HMCN2: variants seen among roughly 807,000 people sequenced by gnomAD.
HMCN2 encodes the protein hemicentin 2, also known as hemicentin-2.
HMCN2 carries 325 observed loss-of-function variants against 377.5 expected under a neutral mutation model. The ratio of observed to expected loss-of-function variants is 0.86; its 90% CI spans 0.79 to 0.94. The LOEUF (loss-of-function observed/expected upper bound fraction) is 0.94, where lower values mean the gene tolerates loss of function less well. Ranked by LOEUF, HMCN2 falls within the 40% of genes least tolerant of loss-of-function variation. The pLI is 0.00. For missense variants in HMCN2, 4,543 were observed against 4,725.3 expected, an observed-to-expected ratio of 0.96 and a Z score of 1.13; for synonymous variants, 2,007 against 2,046.8, an observed-to-expected ratio of 0.98 and a Z score of 0.53.
intron 43 of HMCN2, among the ~76,000 whole-genome samples, 190 bp from the exon 44 acceptor site, chr9:130,368,086 G>A (rs1351850924): frequency 2.0e-5 from 3 of 152,070 alleles, no homozygotes; most frequent in Non-Finnish European, 4.4e-5. Context: ...GATGGGGGGA[G>A]TTCAGAAGAG....
chr9:130,407,750 C>G, intron 83 of HMCN2, 45 bp downstream of exon 83: 1 of 1,161,456 alleles, frequency 8.6e-7, no homozygotes, highest in Non-Finnish European at 1.1e-6. Flanking sequence ...GACCTCCAGT[C>G]TATTGGGACC....
intron 4 of HMCN2, among the ~76,000 whole-genome samples, chr9:130,290,092 C>T (rs1318613228): frequency 6.6e-6 from 1 of 152,210 alleles, no homozygotes; most frequent in East Asian, 1.9e-4. Context: ...CAGTGCATCG[C>T]AGGCTCGCTG....
Position 130,431,451 on chromosome 9 carries a change from GCTACC to G in HMCN2, c.14733_14737del (p.Tyr4912SerfsTer304). 1.3e-6 allele frequency: 2 copies of G among 1,549,908 alleles called. No individual in the cohort carries two copies. Among genetic ancestry groups the G allele is most frequent in the African/African-American group, 2.7e-5 (2 of 73,064 alleles). ...AGCTACCAGTGCCTGTGCCCCGCCGGCTACCGTCTGCTCCCCAGCGGGAAGAACTG... is the reference window on the plus strand; with the variant it reads ...AGCTACCAGTGCCTGTGCCCCGCCGGGTCTGCTCCCCAGCGGGAAGAACTG... On this transcript the variant is annotated frameshift_variant, in exon 96 of 98. Coordinates refer to ENST00000683500, the MANE Select transcript of HMCN2 (RefSeq NM_001291815.2). LOFTEE classifies it high-confidence loss of function.
chr9:130,305,325 A>G (rs561764157), intron 11 of HMCN2, among the ~76,000 whole-genome samples: 1 of 152,138 alleles, frequency 6.6e-6, no homozygotes, highest in South Asian at 2.1e-4. Flanking sequence ...CACCCTGCCC[A>G]ATAGGTAGGG....
intron 76 of HMCN2, chr9:130,400,326 C>A: frequency 6.5e-6 from 1 of 153,664 alleles, no homozygotes; most frequent in Non-Finnish European, 1.4e-5. Flanking sequence ...ACGGGAGGGT[C>A]GCTTGAGCCC....
intron 28 of HMCN2, 147 bp downstream of exon 28, chr9:130,349,278 A>C (rs2131513533): frequency 4.7e-6 from 4 of 853,238 alleles, no homozygotes; most frequent in South Asian, 1.7e-5. Context: ...CCCCATCCTC[A>C]CAGAGCTATC....
At chr9:130,392,876 G>T (rs1040432797) in intron 66 of HMCN2, among the ~76,000 whole-genome samples, 4 of 151,876 alleles carry the variant, frequency 2.6e-5, no homozygotes, top group Non-Finnish European at 4.4e-5. Context: ...GGCGCCTGTA[G>T]TCCCAGCTAC....
intron 87 of HMCN2, among the ~76,000 whole-genome samples, chr9:130,424,283 A>G (rs1347098320): frequency 6.7e-6 from 1 of 149,878 alleles, no homozygotes; most frequent in Non-Finnish European, 1.5e-5. Context: ...GGTTCACACC[A>G]TTATCCTGCC....
At chr9:130,427,194 C>T (rs1844428868) in intron 90 of HMCN2, 119 bp from the exon 91 acceptor site, 9 of 1,051,450 alleles carry the variant, frequency 8.6e-6, no homozygotes, top group East Asian at 5.2e-5. Context: ...TCTCTGGCAC[C>T]GTCTTGGCTC....
At chr9:130,358,013 G>A (rs1225142564) in intron 35 of HMCN2, 25 bp downstream of exon 35, 2 of 1,294,348 alleles carry the variant, frequency 1.5e-6, no homozygotes, top group Non-Finnish European at 2.0e-6. Context: ...CCCAGGGCTG[G>A]CAAGCCAGCT....
chr9:130,301,507 G>A (rs781842783), intron 8 of HMCN2, among the ~76,000 whole-genome samples: 18 of 152,204 alleles, frequency 1.2e-4, no homozygotes, highest in Non-Finnish European at 2.6e-4. Context: ...AGAGATGAGG[G>A]TGGGCCTGTG....
In HMCN2 at chr9:130,279,498, A is replaced by G. The variant is rs569198507; in HGVS notation, c.260-5105A>G. On this transcript the variant is annotated intron_variant, in intron 1 of 97. Coordinates refer to ENST00000683500, the MANE Select transcript of HMCN2 (RefSeq NM_001291815.2). The stretch of plus-strand genomic sequence containing the variant: ...CTTTTGAGTAGCTGGGATTACAAGC[A>G]TGTGCCACCACGCCCAGCTAAGTTT... Among the ~76,000 whole-genome samples, 21 of 152,138 alleles carry G rather than the reference A, an allele frequency of 1.4e-4. No homozygotes were observed. In the East Asian group the frequency reaches 4.1e-3, roughly 30 times the overall value.
At chr9:130,309,544 A>G (rs1245649848) in intron 14 of HMCN2, among the ~76,000 whole-genome samples, 4 of 151,448 alleles carry the variant, frequency 2.6e-5, no homozygotes, top group Non-Finnish European at 4.4e-5. Context: ...AAAAGGAAAA[A>G]AAAGAAAAAT....
chr9:130,318,894 T>C (rs1588234661), intron 15 of HMCN2, among the ~76,000 whole-genome samples: 1 of 152,090 alleles, frequency 6.6e-6, no homozygotes, highest in African/African-American at 2.4e-5. Flanking sequence ...AGACCTATAA[T>C]CCCCCCCGAC....
intron 1 of HMCN2, among the ~76,000 whole-genome samples, chr9:130,267,480 A>G (rs538209961): frequency 2.7e-5 from 4 of 149,748 alleles, no homozygotes; most frequent in East Asian, 2.0e-4. Flanking sequence ...ACACACACGC[A>G]CAGATTCCTT....
In HMCN2 at chr9:130,372,377, G is replaced by A; in HGVS notation, c.7321G>A (p.Ala2441Thr). Residue 2441 changes from alanine (A) to threonine (T), a missense_variant, in exon 47 of 98, where the codon GCA (alanine) becomes ACA (threonine). Transcript: ENST00000683500. The stretch of plus-strand genomic sequence containing the variant: ...CCTGGCAAGCAACGAGGCTGGGGAG[G>A]CACGGAGGAACTTCAGTGTGGAGGT... ...SCLASNEAGE[A>T]RRNFSVEVLV... 1.0e-6 allele frequency: 1 copy of A among 985,886 alleles called. No individual in the cohort carries two copies. Among genetic ancestry groups the A allele is most frequent in the Non-Finnish European group, 1.2e-6 (1 of 829,992 alleles). The allele number at this position is 985,886 out of a possible 1,614,324, so 61.1% of individuals were successfully genotyped here.
At chr9:130,306,389 C>A in intron 12 of HMCN2, 119 bp downstream of exon 12, 1 of 403,440 alleles carries the variant, frequency 2.5e-6, no homozygotes, top group Non-Finnish European at 5.2e-6. Context: ...GCCTTCCTTG[C>A]TCCTGGGATC....
In HMCN2 at chr9:130,365,948, G is replaced by T; in HGVS notation, c.6578G>T (p.Cys2193Phe). The change falls in exon 43 of 98, where the codon TGC (cysteine) becomes TTC (phenylalanine). Residue 2193 changes from cysteine (C) to phenylalanine (F), a missense_variant. Physicochemically the swap from Cys to Phe is radical, Grantham distance 205. Transcript: ENST00000683500. ...GAGGGGCACCCTACCAGGCTGTCCT[G>T]CGAATGCCGGGGTGTCCCCTTCCCC... is the stretch of plus-strand genomic sequence containing the variant. ...VREGHPTRLS[C>F]ECRGVPFPKI... 1.0e-6 allele frequency: 1 copy of T among 985,870 alleles called. No homozygotes were observed. The allele number at this position is 985,870 out of a possible 1,614,324, so 61.1% of individuals were successfully genotyped here.
chr9:130,396,577 C>G (rs954121466), intron 73 of HMCN2, among the ~76,000 whole-genome samples: 2 of 152,176 alleles, frequency 1.3e-5, no homozygotes, highest in Non-Finnish European at 2.9e-5. Flanking sequence ...CTCAGCTTCT[C>G]TCTGTGTAGG....
Sources: allele counts gnomAD v4.1 joint callset (sites outside exome capture counted in the v4.1 genomes callset), GRCh38; gene constraint gnomAD v4.1.1; transcripts MANE v1.5; gene names NCBI Gene and HGNC (gene_info 2026-07-23, HGNC 2026-07-21).